NOSTRIN: variants seen among roughly 807,000 people sequenced by gnomAD.
NOSTRIN encodes the protein nitric oxide synthase trafficking, also known as BM247 homolog.
NOSTRIN carries 63 observed loss-of-function variants against 59.0 expected under a neutral mutation model. The ratio of observed to expected loss-of-function variants is 1.07; its 90% confidence interval spans 0.87 to 1.32. NOSTRIN has a LOEUF of 1.32. Ranked by LOEUF, NOSTRIN falls within the 40% of genes most tolerant of loss-of-function variation. The pLI, the probability that NOSTRIN is intolerant of heterozygous loss-of-function variation, is 0.00. For synonymous variants in NOSTRIN, 200 were observed against 165.4 expected (o/e 1.21, Z -1.61); for missense variants, 512 against 473.1 (o/e 1.08, Z -0.76).
At chr2:168,848,395 C>T (rs7591036) in intron 8 of NOSTRIN, among the ~76,000 whole-genome samples, 2,372 of 152,292 alleles carry the variant, frequency 0.016, 58 homozygotes, top group African/African-American at 0.053. Flanking sequence ...GCTTCAGAGG[C>T]AACTAAGAAG....
chr2:168,842,033 G>A (rs941574671), intron 7 of NOSTRIN, among the ~76,000 whole-genome samples: 14 of 152,164 alleles, frequency 9.2e-5, no homozygotes, highest in Admixed American at 2.6e-4. Context: ...TGGAATAGGG[G>A]TCTTATGATC....
chr2:168,836,518 C>T (rs971538698), intron 7 of NOSTRIN, among the ~76,000 whole-genome samples: 1 of 152,214 alleles, frequency 6.6e-6, no homozygotes, highest in Non-Finnish European at 1.5e-5. Context: ...ATTTTCTCAT[C>T]TCACATAGAA....
At chr2:168,862,089 T>C in intron 15 of NOSTRIN, 40 bp downstream of exon 15, 2 of 1,558,296 alleles carry the variant, frequency 1.3e-6, no homozygotes, top group South Asian at 1.1e-5. Flanking sequence ...CCTTCCCATA[T>C]TGAGATTCTT....
At chr2:168,804,155 G>A (rs2105519792) in intron 1 of NOSTRIN, among the ~76,000 whole-genome samples, 1 of 152,304 alleles carries the variant, frequency 6.6e-6, no homozygotes, top group South Asian at 2.1e-4. Context: ...TTTGTAGACA[G>A]CAAAGTCAAG....
At chr2:168,823,328 T>G (rs1296117166) in intron 2 of NOSTRIN, among the ~76,000 whole-genome samples, 2 of 152,176 alleles carry the variant, frequency 1.3e-5, no homozygotes, top group Non-Finnish European at 1.5e-5. Context: ...TTGCATTAGT[T>G]TTTAGGGCTG....
At chr2:168,791,057 A>G (rs867069794) in intron 2 of NOSTRIN, among the ~76,000 whole-genome samples, 53 of 152,158 alleles carry the variant, frequency 3.5e-4, no homozygotes, top group African/African-American at 1.3e-3. Context: ...TTTGTTACCT[A>G]TGTATACATG....
chr2:168,833,304 G>A (rs1206211869), intron 6 of NOSTRIN, among the ~76,000 whole-genome samples: 1 of 152,156 alleles, frequency 6.6e-6, no homozygotes, highest in African/African-American at 2.4e-5. Context: ...GACGGGAGGT[G>A]GAGAAAGAGG....
upstream of NOSTRIN, among the ~76,000 whole-genome samples, chr2:168,794,770 T>C (rs986073531): frequency 6.6e-6 from 1 of 151,826 alleles, no homozygotes; most frequent in African/African-American, 2.4e-5. Context: ...ATATACTTTT[T>C]AAAAAATTCA....
chr2:168,813,497 C>A (rs1574266985), intron 2 of NOSTRIN, among the ~76,000 whole-genome samples: 1 of 152,160 alleles, frequency 6.6e-6, no homozygotes, highest in East Asian at 1.9e-4. Context: ...CATCTACTTT[C>A]TTCATACAGC....
intron 2 of NOSTRIN, among the ~76,000 whole-genome samples, chr2:168,817,820 G>A (rs969752280): frequency 2.6e-5 from 4 of 152,180 alleles, no homozygotes; most frequent in Admixed American, 2.6e-4. Context: ...AATCGATAAT[G>A]CTGCAGTGGG....
chr2:168,835,303 T>C (rs1353430933), intron 7 of NOSTRIN, among the ~76,000 whole-genome samples: 3 of 152,166 alleles, frequency 2.0e-5, no homozygotes, highest in Non-Finnish European at 4.4e-5. Context: ...GGTCTCGAAC[T>C]CCTGACCTCA....
chr2:168,824,458 C>T (rs1318877769), intron 2 of NOSTRIN, among the ~76,000 whole-genome samples, 176 bp from the exon 3 acceptor site: 1 of 152,144 alleles, frequency 6.6e-6, no homozygotes, highest in Non-Finnish European at 1.5e-5. Flanking sequence ...GCCACCACGC[C>T]TGGCTAATTT....
At chr2:168,859,444 G>A in intron 12 of NOSTRIN, 68 bp from the exon 13 acceptor site, 2 of 1,582,672 alleles carry the variant, frequency 1.3e-6, no homozygotes, top group Admixed American at 1.8e-5. Context: ...AAGTTATTCT[G>A]ATATTCCTAT....
At chr2:168,821,864 G>A (rs552955166) in intron 2 of NOSTRIN, among the ~76,000 whole-genome samples, 5 of 152,322 alleles carry the variant, frequency 3.3e-5, no homozygotes, top group South Asian at 2.1e-4. Context: ...AGAGGCTGCC[G>A]GAGTCAGATC....
At chr2:168,803,362 A>G (rs1685689536) in intron 1 of NOSTRIN, among the ~76,000 whole-genome samples, 1 of 152,218 alleles carries the variant, frequency 6.6e-6, no homozygotes. Flanking sequence ...TTGAAAATAA[A>G]GTAATTAAGG....
chr2:168,846,560 T>C (rs1402228711), intron 8 of NOSTRIN, among the ~76,000 whole-genome samples: 1 of 152,224 alleles, frequency 6.6e-6, no homozygotes, highest in Admixed American at 6.5e-5. Context: ...GTCTTATTAC[T>C]TCACAATCAT....
chr2:168,811,384 G>A, intron 1 of NOSTRIN, 183 bp from the exon 2 acceptor site: 1 of 370,818 alleles, frequency 2.7e-6, no homozygotes, highest in South Asian at 6.1e-5. Context: ...TCATATCCAG[G>A]TAGAAGAGAC....
intron 14 of NOSTRIN, 47 bp from the exon 15 acceptor site, chr2:168,861,913 A>T (rs1467425311): frequency 1.3e-6 from 2 of 1,548,624 alleles, no homozygotes; most frequent in South Asian, 2.3e-5. Context: ...GCTCATATTC[A>T]TTTGCCTGCT....
chr2:168,811,814 A>G, intron 2 of NOSTRIN, 162 bp downstream of exon 2: 1 of 464,204 alleles, frequency 2.2e-6, no homozygotes. Flanking sequence ...TTGCACATTT[A>G]TCAACTGGAT....
Sources: gnomAD v4.1 joint callset for allele counts (sites outside exome capture counted in the v4.1 genomes callset) on GRCh38, gnomAD v4.1.1 for gene constraint, MANE v1.5 for transcripts, NCBI Gene and HGNC (gene_info 2026-07-23, HGNC 2026-07-21) for gene names.